Variants in PLXDC1 observed in about 807,000 individuals in gnomAD.
PLXDC1 encodes plexin domain containing 1, also known as plexin domain-containing protein 1.
Under a neutral mutation model 61.3 loss-of-function variants are expected in PLXDC1, and 39 were observed. The observed-to-expected ratio is 0.64, with a 90% confidence interval of 0.49 to 0.83. The LOEUF is 0.83. Ranked by LOEUF, PLXDC1 falls within the 40% of genes least tolerant of loss-of-function variation. The pLI is 0.00. For synonymous variants in PLXDC1, 212 were observed against 254.5 expected, an observed-to-expected ratio of 0.83 and a Z score of 1.59; for missense variants, 596 against 666.5, an observed-to-expected ratio of 0.89 and a Z score of 1.17.
At position 39,091,240 on chromosome 17, in the gene PLXDC1, A is replaced by G. The variant is rs150902934; in HGVS notation, c.812-3538T>C. 2.0e-5 allele frequency among the ~76,000 whole-genome samples: 3 copies of G among 152,168 alleles called. No homozygotes were observed. In the East Asian group the frequency reaches 5.8e-4, roughly 29 times the overall value. On this transcript the variant is annotated intron_variant, in intron 7 of 13. Transcript: ENST00000315392. Reference sequence around the variant, plus strand: ...GGTGAATGGACTGGGGACCCTGGAGACTGAGGTGAATTTCCCACGCCCCCT... The same window carrying G: ...GGTGAATGGACTGGGGACCCTGGAGGCTGAGGTGAATTTCCCACGCCCCCT...
Position 39,109,320 on chromosome 17 carries a change from T to C in PLXDC1, c.327A>G (p.Val109=). The C allele has an allele frequency of 6.2e-7, 1 of 1,612,298 alleles. No individual in the cohort carries two copies. The highest frequency in any genetic ancestry group is 8.5e-7 in the Non-Finnish European group (1 of 1,179,552). ...GGCTCCGGTTGGCCTCGGCCACATC[T>C]ACCCACAGTTCCCGGCTGTGGGGCT... ...PSEPHSRELW[V]DVAEANRSQV... Residue 109 remains valine, a synonymous_variant, in exon 3 of 14, where the codon GTA becomes GTG. Transcript: ENST00000315392.
chr17:39,082,579 A>C (rs1909603306), intron 9 of PLXDC1, among the ~76,000 whole-genome samples: 1 of 148,334 alleles, frequency 6.7e-6, no homozygotes, highest in African/African-American at 2.5e-5. Context: ...AAAAAAAAGC[A>C]CTGGAAAGGA....
At chr17:39,079,207 A>G in intron 9 of PLXDC1, 43 bp from the exon 10 acceptor site, 1 of 1,541,988 alleles carries the variant, frequency 6.5e-7, no homozygotes, top group Non-Finnish European at 9.0e-7. Flanking sequence ...GGGATTGACA[A>G]AGAAGCCTTC....
chr17:39,133,354 A>G (rs1911625708), intron 2 of PLXDC1, among the ~76,000 whole-genome samples: 1 of 152,144 alleles, frequency 6.6e-6, no homozygotes, highest in Non-Finnish European at 1.5e-5. Context: ...GTGTGTAAGC[A>G]CTGACATTCT....
chr17:39,101,392 G>C (rs1340321578), intron 7 of PLXDC1, among the ~76,000 whole-genome samples: 1 of 152,182 alleles, frequency 6.6e-6, no homozygotes, highest in Non-Finnish European at 1.5e-5. Context: ...GCCTCATGAG[G>C]AGCCATGTGG....
At chr17:39,073,792 A>G (rs1909217692) in intron 11 of PLXDC1, among the ~76,000 whole-genome samples, 1 of 152,218 alleles carries the variant, frequency 6.6e-6, no homozygotes, top group African/African-American at 2.4e-5. Context: ...TGTTGCTTAT[A>G]AGATAAGCCC....
intron 11 of PLXDC1, among the ~76,000 whole-genome samples, chr17:39,074,061 T>C (rs1909229362): frequency 1.3e-5 from 2 of 152,126 alleles, no homozygotes; most frequent in Non-Finnish European, 2.9e-5. Flanking sequence ...TTAGAGCCTG[T>C]ACCCTCATAG....
chr17:39,134,111 G>A (rs1249949353), intron 2 of PLXDC1, among the ~76,000 whole-genome samples: 21 of 151,874 alleles, frequency 1.4e-4, no homozygotes, highest in Non-Finnish European at 2.9e-5. Context: ...CAAAATAGCC[G>A]GGCGTGGTGG....
chr17:39,120,565 T>C (rs867556428), intron 2 of PLXDC1, among the ~76,000 whole-genome samples: 1 of 152,020 alleles, frequency 6.6e-6, no homozygotes, highest in South Asian at 2.1e-4. Context: ...TTAAACATTC[T>C]TTTCCACTGA....
At chr17:39,109,119 T>C (rs531220780) in intron 3 of PLXDC1, 129 bp downstream of exon 3, 12 of 1,341,492 alleles carry the variant, frequency 8.9e-6, no homozygotes, top group South Asian at 2.6e-5. Context: ...CAAAGTCCCA[T>C]GGGAACCCCT....
Position 39,105,970 on chromosome 17 carries a change from A to G in PLXDC1, c.712-17T>C. On this transcript the variant is annotated splice_polypyrimidine_tract_variant and intron_variant, in intron 6 of 13. Transcript: ENST00000315392. Reference sequence around the variant, plus strand: ...CATAGGGATCTGCGGCAGGGAGAAGAGACTCCGTCCACCTCCCAAACGCTC... The same window carrying G: ...CATAGGGATCTGCGGCAGGGAGAAGGGACTCCGTCCACCTCCCAAACGCTC... 4 of 1,580,582 alleles carry G rather than the reference A, an allele frequency of 2.5e-6. No homozygotes were observed. Among genetic ancestry groups the G allele is most frequent in the Non-Finnish European group, 3.5e-6 (4 of 1,150,982 alleles).
chr17:39,086,878 A>AAAAAAAAAAAAAAAG (rs1298383783), intron 8 of PLXDC1, among the ~76,000 whole-genome samples: 1 of 150,746 alleles, frequency 6.6e-6, no homozygotes, highest in East Asian at 2.0e-4. Context: ...AAAAAAAAAA[A>AAAAAAAAAAAAAAAG]AAGAAGAAGA....
rs1910135760 is a variant in PLXDC1, at chr17:39,095,377, C to CCG, written c.812-7676_812-7675insCG. On this transcript the variant is annotated intron_variant, in intron 7 of 13. Transcript: ENST00000315392. The stretch of plus-strand genomic sequence containing the variant: ...GAATCCTTACGCCCCGCCCCCCCCC[C>CCG]CCAACCCCCCAAGCCTGGGTTATTT... 8.6e-5 allele frequency among the ~76,000 whole-genome samples: 5 copies of CCG among 58,284 alleles called. 1 individual carries two copies. The highest frequency in any genetic ancestry group is 1.3e-3 in the East Asian group (2 of 1,594). The allele number at this position is 58,284 out of a possible 152,430, so 38.2% of individuals were successfully genotyped here.
chr17:39,108,041 T>A, intron 5 of PLXDC1, 82 bp downstream of exon 5: 2 of 1,560,374 alleles, frequency 1.3e-6, no homozygotes, highest in African/African-American at 1.4e-5. Flanking sequence ...ACCCTTGCCC[T>A]CTCTAGGCCC....
At chr17:39,117,451 C>T (rs1190302605) in intron 2 of PLXDC1, among the ~76,000 whole-genome samples, 1 of 152,158 alleles carries the variant, frequency 6.6e-6, no homozygotes, top group African/African-American at 2.4e-5. Context: ...CTGAATCCAA[C>T]CAATGAACCA....
chr17:39,101,640 A>C (rs1453279178), intron 7 of PLXDC1, among the ~76,000 whole-genome samples: 1 of 152,180 alleles, frequency 6.6e-6, no homozygotes, highest in Non-Finnish European at 1.5e-5. Flanking sequence ...GCCGCTTAGC[A>C]GTGGGCGCTT....
intron 2 of PLXDC1, among the ~76,000 whole-genome samples, chr17:39,120,606 GTT>G (rs34244449): frequency 3.0e-5 from 4 of 132,724 alleles, no homozygotes; most frequent in Non-Finnish European, 1.6e-5. Flanking sequence ...TTTATTTTAG[GTT>G]TTTTTTTTTT....
At chr17:39,083,916 C>T (rs1021719866) in intron 8 of PLXDC1, among the ~76,000 whole-genome samples, 39 of 152,284 alleles carry the variant, frequency 2.6e-4, no homozygotes, top group Admixed American at 2.4e-3. Flanking sequence ...TCGCTTCCTC[C>T]CTCCCTAGCT....
rs1909449079 is a variant in PLXDC1, at chr17:39,078,985, G to A, written c.1050+119C>T. 6 of 778,134 alleles carry A rather than the reference G, an allele frequency of 7.7e-6. No homozygotes were observed. In the Admixed American group the frequency reaches 9.6e-5, roughly 12 times the overall value. The allele number at this position is 778,134 out of a possible 1,614,324, so 48.2% of individuals were successfully genotyped here. A position where few individuals can be genotyped will look rare whatever the true frequency, so the allele number is the denominator to read the frequency against. On this transcript the variant is annotated intron_variant, in intron 10 of 13. Transcript: ENST00000315392. ...GAAAACAAATCTTAGATGGAAGGGAGGATATTGCCAAGAGCTAATGCCACC... is the reference window on the plus strand; with the variant it reads ...GAAAACAAATCTTAGATGGAAGGGAAGATATTGCCAAGAGCTAATGCCACC...
Sources: gnomAD v4.1 joint callset for allele counts (sites outside exome capture counted in the v4.1 genomes callset) on GRCh38, gnomAD v4.1.1 for gene constraint, MANE v1.5 for transcripts, NCBI Gene and HGNC (gene_info 2026-07-23, HGNC 2026-07-21) for gene names.